PLCE1: variants seen among roughly 807,000 people sequenced by gnomAD.
The protein encoded by PLCE1 is phospholipase C epsilon 1.
In PLCE1, 119 loss-of-function variants were observed where a neutral mutation model predicts 242.8. The ratio of observed to expected loss-of-function variants is 0.49; its 90% CI spans 0.42 to 0.57. The LOEUF is 0.57. Among genes scored for constraint, PLCE1 ranks in the 20% least tolerant of loss-of-function variants. The pLI, the probability that PLCE1 is intolerant of heterozygous loss-of-function variation, is 0.00. For synonymous variants in PLCE1, 945 were observed against 1,017.4 expected (o/e 0.93, Z 1.35); for missense variants, 2,441 against 2,788.8 (o/e 0.88, Z 2.81).
intron 4 of PLCE1, among the ~76,000 whole-genome samples, chr10:94,203,961 C>A (rs763557126): frequency 2.5e-4 from 38 of 152,126 alleles, no homozygotes; most frequent in South Asian, 2.1e-4. Flanking sequence ...TGGCTGATAG[C>A]AAAGGCAACC....
chr10:94,005,286 A>G (rs952901910), intron 1 of PLCE1, among the ~76,000 whole-genome samples: 5 of 152,304 alleles, frequency 3.3e-5, no homozygotes, highest in Admixed American at 6.5e-5. Flanking sequence ...TGCCCAGGAC[A>G]TTGGTTGCTC....
intron 4 of PLCE1, among the ~76,000 whole-genome samples, chr10:94,171,884 G>T (rs916999475): frequency 6.6e-6 from 1 of 151,952 alleles, no homozygotes; most frequent in Admixed American, 6.6e-5. Context: ...GACCACATTC[G>T]TATAACCAAC....
At chr10:94,062,751 T>C (rs1180916083) in intron 2 of PLCE1, among the ~76,000 whole-genome samples, 2 of 152,100 alleles carry the variant, frequency 1.3e-5, no homozygotes, top group East Asian at 3.9e-4. Context: ...CTGAATGACA[T>C]AGTCAACTGT....
chr10:94,164,831 G>A (rs530627927), intron 3 of PLCE1, among the ~76,000 whole-genome samples: 34 of 152,288 alleles, frequency 2.2e-4, no homozygotes, highest in Admixed American at 1.3e-4. Flanking sequence ...TGTCCTTTCT[G>A]TTTGTTAGTT....
chr10:94,295,646 G>T (rs1250036840), intron 23 of PLCE1, among the ~76,000 whole-genome samples: 2 of 152,168 alleles, frequency 1.3e-5, no homozygotes. Context: ...TTTCTAGGAG[G>T]TTTTCATTTT....
At chr10:94,174,141 A>T (rs984509603) in intron 4 of PLCE1, among the ~76,000 whole-genome samples, 5 of 152,240 alleles carry the variant, frequency 3.3e-5, no homozygotes, top group African/African-American at 1.2e-4. Context: ...TTCAGTTCTT[A>T]TGACAGTTGT....
At chr10:94,324,601 G>C (rs373986127) in intron 31 of PLCE1, 34 bp downstream of exon 31, 6 of 1,497,904 alleles carry the variant, frequency 4.0e-6, no homozygotes, top group Non-Finnish European at 5.6e-6. Flanking sequence ...CTGTTCTTAA[G>C]TTATCTGATA....
intron 3 of PLCE1, among the ~76,000 whole-genome samples, chr10:94,150,135 C>A (rs545067439): frequency 3.2e-4 from 48 of 152,304 alleles, no homozygotes; most frequent in African/African-American, 2.4e-4. Flanking sequence ...TGACAACCTC[C>A]GTGGAGGTCA....
intron 4 of PLCE1, among the ~76,000 whole-genome samples, chr10:94,190,344 C>T (rs1490501612): frequency 6.6e-6 from 1 of 152,120 alleles, no homozygotes; most frequent in African/African-American, 2.4e-5. Context: ...CACTGTGGCT[C>T]ATGCCTGTAA....
intron 29 of PLCE1, among the ~76,000 whole-genome samples, chr10:94,319,864 CTT>C (rs58610099): frequency 1.3e-3 from 121 of 92,924 alleles, no homozygotes; most frequent in African/African-American, 3.6e-3. Flanking sequence ...CAAAGGTGCT[CTT>C]TTTTTTTTTT....
chr10:94,286,892 A>C (rs2052469454), intron 22 of PLCE1: 1 of 152,246 alleles, frequency 6.6e-6, no homozygotes, highest in Non-Finnish European at 1.5e-5. Flanking sequence ...AACAAGGATG[A>C]GCGCCACTCT....
At chr10:94,190,609 A>AAAC (rs936490864) in intron 4 of PLCE1, among the ~76,000 whole-genome samples, 1 of 152,196 alleles carries the variant, frequency 6.6e-6, no homozygotes, top group Non-Finnish European at 1.5e-5. Flanking sequence ...CTAACTCAAA[A>AAAC]AACAACAACA....
At chr10:94,256,368 CAG>C in intron 11 of PLCE1, among the ~76,000 whole-genome samples, 1 of 113,052 alleles carries the variant, frequency 8.8e-6, no homozygotes, top group African/African-American at 3.6e-5. Flanking sequence ...GAAAAAGAAA[CAG>C]AAAATAGAAA....
At chr10:94,119,205 C>A (rs572431193) in intron 2 of PLCE1, among the ~76,000 whole-genome samples, 1 of 152,200 alleles carries the variant, frequency 6.6e-6, no homozygotes, top group South Asian at 2.1e-4. Flanking sequence ...AGGAAACCAC[C>A]AAGCTATAGG....
intron 2 of PLCE1, among the ~76,000 whole-genome samples, chr10:94,085,080 A>G (rs2044765380): frequency 6.6e-6 from 1 of 152,200 alleles, no homozygotes; most frequent in South Asian, 2.1e-4. Flanking sequence ...TAAAATGTAT[A>G]AAGGACCTAC....
At chr10:94,143,800 G>T (rs1047135316) in intron 3 of PLCE1, among the ~76,000 whole-genome samples, 3 of 152,244 alleles carry the variant, frequency 2.0e-5, no homozygotes, top group South Asian at 4.1e-4. Flanking sequence ...TTGGTATTTT[G>T]TCTTTTTAAC....
chr10:94,206,610 T>C (rs1283865526), intron 4 of PLCE1, among the ~76,000 whole-genome samples: 1 of 152,196 alleles, frequency 6.6e-6, no homozygotes, highest in African/African-American at 2.4e-5. Context: ...CCGTGGACAG[T>C]GGACAAATCT....
chr10:94,010,357 G>C (rs2061145897), intron 1 of PLCE1, among the ~76,000 whole-genome samples: 1 of 152,198 alleles, frequency 6.6e-6, no homozygotes, highest in Non-Finnish European at 1.5e-5. Flanking sequence ...GCCTGCAATG[G>C]GAGGGGCAGC....
intron 2 of PLCE1, among the ~76,000 whole-genome samples, chr10:94,040,933 T>C (rs894361088): frequency 2.1e-4 from 32 of 152,248 alleles, no homozygotes; most frequent in African/African-American, 7.2e-4. Context: ...CATTCTTTTA[T>C]GTATTGTCTG....
Sources: allele counts gnomAD v4.1 joint callset (sites outside exome capture counted in the v4.1 genomes callset), GRCh38; gene constraint gnomAD v4.1.1; transcripts MANE v1.5; gene names NCBI Gene and HGNC (gene_info 2026-07-23, HGNC 2026-07-21).